INPP5D: variants seen among roughly 807,000 people sequenced by gnomAD.
INPP5D encodes phosphatidylinositol 3,4,5-trisphosphate 5-phosphatase 1.
Under a neutral mutation model 122.9 loss-of-function variants are expected in INPP5D, and 33 were observed. The observed-to-expected ratio is 0.27, with a 90% confidence interval of 0.20 to 0.36. The LOEUF is 0.36. Among genes scored for constraint, INPP5D ranks in the 10% least tolerant of loss-of-function variants. The pLI is 1.00. For missense variants in INPP5D, 1,053 were observed against 1,412.7 expected, an observed-to-expected ratio of 0.75 and a Z score of 4.08; for synonymous variants, 584 against 576.2, an observed-to-expected ratio of 1.01 and a Z score of -0.19.
Position 233,082,665 on chromosome 2 carries a change from C to T in INPP5D, c.198+3267C>T, listed in dbSNP as rs1691720644. On this transcript the variant is annotated intron_variant, in intron 2 of 26. Transcript: ENST00000445964. This position sits in a 1 kb window ranked among gnomAD's most constrained non-coding sequence, Gnocchi z 4.7. ...GCCCACGTGTCATAGCCCATGACAG[C>T]CCTGTATCAATCAGGGAGAGGAGCT... is the stretch of plus-strand genomic sequence containing the variant. 6.6e-6 allele frequency among the ~76,000 whole-genome samples: 1 copy of T among 152,162 alleles called. No individual in the cohort carries two copies. Among genetic ancestry groups the T allele is most frequent in the Non-Finnish European group, 1.5e-5 (1 of 68,028 alleles).
intron 9 of INPP5D, among the ~76,000 whole-genome samples, chr2:233,152,041 CT>C (rs2106284551): frequency 6.6e-6 from 1 of 152,262 alleles, no homozygotes; most frequent in South Asian, 2.1e-4. Flanking sequence ...AGTGGGTGCT[CT>C]AGGTAAACCG....
At chr2:233,101,656 T>A (rs1216071220) in intron 2 of INPP5D, among the ~76,000 whole-genome samples, 1 of 144,186 alleles carries the variant, frequency 6.9e-6, no homozygotes, top group Non-Finnish European at 1.5e-5. Context: ...ATATAACATA[T>A]AATAGATATT....
Position 233,188,511 on chromosome 2 carries a change from AG to A in INPP5D, c.2359-1338del, listed in dbSNP as rs1437269123. Among the ~76,000 whole-genome samples, 2 of 152,184 alleles carry A rather than the reference AG, an allele frequency of 1.3e-5. No individual in the cohort carries two copies. The highest frequency in any genetic ancestry group is 2.9e-5 in the Non-Finnish European group (2 of 68,036). ...CCAGGAGCCAAGTGATAATTGGTGCAGCTGTAGAACCCTGGAGTACCCAGAG... is the reference window on the plus strand; with the variant it reads ...CCAGGAGCCAAGTGATAATTGGTGCACTGTAGAACCCTGGAGTACCCAGAG... On this transcript the variant is annotated intron_variant, in intron 21 of 26. Coordinates refer to ENST00000445964, the MANE Select transcript of INPP5D (RefSeq NM_001017915.3). This position sits in a 1 kb window ranked among gnomAD's most constrained non-coding sequence, Gnocchi z 4.7.
chr2:233,204,012 C>G, intron 25 of INPP5D, 114 bp from the exon 26 acceptor site: 1 of 1,410,684 alleles, frequency 7.1e-7, no homozygotes, highest in Non-Finnish European at 9.3e-7. Flanking sequence ...ATGTCTCTAT[C>G]TAGTTCAGAA....
rs77361564 is a variant in INPP5D, at chr2:233,099,033, C to T, written c.198+19635C>T. Among the ~76,000 whole-genome samples the T allele has an allele frequency of 3.2e-4, 49 of 151,996 alleles. 1 individual carries two copies. The East Asian group carries it at 7.0e-3, about 22-fold the overall frequency. On this transcript the variant is annotated intron_variant, in intron 2 of 26. Coordinates refer to ENST00000445964, the MANE Select transcript of INPP5D (RefSeq NM_001017915.3). The stretch of plus-strand genomic sequence containing the variant: ...GTGGTGCGATCTTGGCTCACTGCAA[C>T]GTCCGCCTCCTTGTTCAAGCAATTC...
intron 6 of INPP5D, among the ~76,000 whole-genome samples, chr2:233,143,312 C>T (rs1480274936): frequency 6.6e-6 from 1 of 152,110 alleles, no homozygotes; most frequent in Non-Finnish European, 1.5e-5. Context: ...CTTGTTATAT[C>T]TCCCCTCCCA....
intron 2 of INPP5D, among the ~76,000 whole-genome samples, chr2:233,109,042 T>C (rs1692538578): frequency 6.6e-6 from 1 of 151,630 alleles, no homozygotes; most frequent in African/African-American, 2.4e-5. Flanking sequence ...CCATGGGTTG[T>C]GGCAGAAAAC....
chr2:233,126,431 A>G (rs1489931510), intron 4 of INPP5D, among the ~76,000 whole-genome samples: 5 of 152,072 alleles, frequency 3.3e-5, no homozygotes, highest in African/African-American at 1.2e-4. Context: ...CACATACGCC[A>G]CCGGGTTGCT....
chr2:233,141,336 G>A (rs1693627739), intron 6 of INPP5D: 1 of 152,216 alleles, frequency 6.6e-6, no homozygotes, highest in East Asian at 1.9e-4. Context: ...GGAGGCCGAA[G>A]CGGGTGGATC....
At position 233,193,804 on chromosome 2, in the gene INPP5D, C is replaced by A; in HGVS notation, c.2447-8C>A. On this transcript the variant is annotated splice_polypyrimidine_tract_variant and splice_region_variant and intron_variant, in intron 22 of 26. Coordinates refer to ENST00000445964, the MANE Select transcript of INPP5D (RefSeq NM_001017915.3). ...TCTTCACCCAGCTGTCTCCCACTTT[C>A]CCTGCAGGCGAGGGCTGCATTGCCC... 6.2e-7 allele frequency: 1 copy of A among 1,613,920 alleles called. No homozygotes were observed. Among genetic ancestry groups the A allele is most frequent in the Non-Finnish European group, 8.5e-7 (1 of 1,179,896 alleles).
rs538186139 is a variant in INPP5D, at chr2:233,206,226, G to T, written c.3568-480G>T. On this transcript the variant is annotated intron_variant, in intron 26 of 26. Transcript: ENST00000445964. This position sits in a 1 kb window ranked among gnomAD's most constrained non-coding sequence, Gnocchi z 4.0. Reference sequence around the variant, plus strand: ...GACTTAGAAGGAGAATTGCATTGTAGGCTATTATGTATTATTACCATGTAT... The same window carrying T: ...GACTTAGAAGGAGAATTGCATTGTATGCTATTATGTATTATTACCATGTAT... Among the ~76,000 whole-genome samples, 1 of 151,982 alleles carries T rather than the reference G, an allele frequency of 6.6e-6. No individual in the cohort carries two copies. The highest frequency in any genetic ancestry group is 1.5e-5 in the Non-Finnish European group (1 of 67,992).
At chr2:233,163,037 G>T (rs1479529547) in intron 11 of INPP5D, among the ~76,000 whole-genome samples, 1 of 152,184 alleles carries the variant, frequency 6.6e-6, no homozygotes, top group East Asian at 1.9e-4. Context: ...TGAGCCTCTT[G>T]GGGGAGCAGA....
intron 2 of INPP5D, among the ~76,000 whole-genome samples, chr2:233,081,954 A>G (rs1440701396): frequency 6.6e-6 from 1 of 150,916 alleles, no homozygotes; most frequent in Non-Finnish European, 1.5e-5. Context: ...TGGAGCAGGT[A>G]CCCCCCTCTG....
At chr2:233,165,845 TG>T (rs1409602977) in intron 13 of INPP5D, among the ~76,000 whole-genome samples, 2 of 94,498 alleles carry the variant, frequency 2.1e-5, no homozygotes. Context: ...AGCCTCTCTG[TG>T]TGTTTGTGTG....
chr2:233,190,312 G>A (rs572592262), intron 22 of INPP5D, among the ~76,000 whole-genome samples: 79 of 152,322 alleles, frequency 5.2e-4, no homozygotes, highest in African/African-American at 1.9e-3. Context: ...CTGGGCCCTA[G>A]TTTGAACCCA....
chr2:233,198,324 T>A lies in INPP5D; in HGVS notation c.2923T>A (p.Phe975Ile), dbSNP rs755558489. Residue 975 changes from phenylalanine (F) to isoleucine (I), a missense_variant, in exon 25 of 27, where the codon TTT (phenylalanine) becomes ATT (isoleucine). By Grantham distance (21) the Phe-to-Ile change is conservative. This residue lies in a region of INPP5D where 417 missense variants were observed against 425.8 expected (regional missense o/e 0.98). Coordinates refer to ENST00000445964, the MANE Select transcript of INPP5D (RefSeq NM_001017915.3). ...PGQPPISPKK[F>I]LPSTANRGLP... ...CCAGCCGCCCATATCACCCAAGAAG[T>A]TTTTACCCTCAACAGCAAACCGGGG... The A allele has an allele frequency of 2.1e-5, 34 of 1,613,426 alleles. No homozygotes were observed. The highest frequency in any genetic ancestry group is 8.5e-7 in the Non-Finnish European group (1 of 1,179,784).
At position 233,131,143 on chromosome 2, in the gene INPP5D, C is replaced by T. The variant is rs540345989; in HGVS notation, c.665+495C>T. On this transcript the variant is annotated intron_variant, in intron 5 of 26. Transcript: ENST00000445964. ...ACCAAAACTTTAATTTTCTGATGTC[C>T]GATCCATTGAATGACCAACTGGTAA... 12 of 978,990 alleles carry T rather than the reference C, an allele frequency of 1.2e-5. No homozygotes were observed. The East Asian group carries it at 3.4e-4, about 28-fold the overall frequency. The allele number at this position is 978,990 out of a possible 1,614,324, so 60.6% of individuals were successfully genotyped here.
At chr2:233,075,134 A>G (rs1691485614) in intron 1 of INPP5D, among the ~76,000 whole-genome samples, 1 of 152,186 alleles carries the variant, frequency 6.6e-6, no homozygotes, top group South Asian at 2.1e-4. Flanking sequence ...GTCATCACCC[A>G]GCACCTGTGG....
rs1016742357 is a variant in INPP5D, at chr2:233,170,625, T to C, written c.1900+21T>C. The C allele has an allele frequency of 1.2e-6, 2 of 1,610,476 alleles. No homozygotes were observed. The highest frequency in any genetic ancestry group is 2.7e-5 in the African/African-American group (2 of 74,880). On this transcript the variant is annotated intron_variant, in intron 16 of 26. Transcript: ENST00000445964. The surrounding 1 kb of genome is among the most constrained non-coding windows in gnomAD (Gnocchi z 4.5). Reference sequence around the variant, plus strand: ...CTTCGGTAAGAGCAGCAACCCCGGCTGGGAGCGGTGGCTCACACCTGTAAT... The same window carrying C: ...CTTCGGTAAGAGCAGCAACCCCGGCCGGGAGCGGTGGCTCACACCTGTAAT...
Sources: allele counts gnomAD v4.1 joint callset (sites outside exome capture counted in the v4.1 genomes callset), GRCh38; gene constraint gnomAD v4.1.1; regional missense constraint gnomAD v4.1.1; non-coding constraint Gnocchi (gnomAD v3.1); transcripts MANE v1.5; gene names NCBI Gene and HGNC (gene_info 2026-07-23, HGNC 2026-07-21).